CSMD1: variants seen among roughly 807,000 people sequenced by gnomAD.
The protein encoded by CSMD1 is CUB and Sushi multiple domains 1.
In CSMD1, 213 loss-of-function variants were observed where a neutral mutation model predicts 417.5. That is an observed-to-expected ratio of 0.51 (90% CI 0.46 to 0.57). The LOEUF (loss-of-function observed/expected upper bound fraction) is 0.57, where lower values mean the gene tolerates loss of function less well. CSMD1 is among the 20% of genes least tolerant of loss of function. CSMD1 has a pLI of 0.00. For missense variants in CSMD1, 6,923 were observed against 4,529.7 expected (o/e 1.53, Z -15.17); for synonymous variants, 2,862 against 1,736.8 (o/e 1.65, Z -16.11).
At chr8:4,594,649 A>C (rs1800162257) in intron 2 of CSMD1, among the ~76,000 whole-genome samples, 2 of 152,164 alleles carry the variant, frequency 1.3e-5, no homozygotes, top group Admixed American at 6.5e-5. Context: ...TCAACTTCAA[A>C]ACCTACATTT....
chr8:4,473,109 G>C (rs1387664310), intron 2 of CSMD1, among the ~76,000 whole-genome samples: 1 of 151,998 alleles, frequency 6.6e-6, no homozygotes, highest in African/African-American at 2.4e-5. Flanking sequence ...ACTTGTGTTT[G>C]AATTTAGATA....
At chr8:4,199,765 G>C (rs1245432877) in intron 3 of CSMD1, among the ~76,000 whole-genome samples, 2 of 152,116 alleles carry the variant, frequency 1.3e-5, no homozygotes, top group South Asian at 2.1e-4. Flanking sequence ...AAAAACTGAA[G>C]ACTCAAGGAT....
In CSMD1 at chr8:3,643,467, C is replaced by T. The variant is rs370750823; in HGVS notation, c.1010-26670G>A. Among the ~76,000 whole-genome samples the T allele has an allele frequency of 1.5e-4, 23 of 152,090 alleles. No homozygotes were observed. The East Asian group carries it at 3.3e-3, about 22-fold the overall frequency. On this transcript the variant is annotated intron_variant, in intron 7 of 69. Coordinates refer to ENST00000635120, the MANE Select transcript of CSMD1 (RefSeq NM_033225.6). ...CCTGTAATCCTAGCACTTTGGGAGG[C>T]CGAGGTAGGCGGATCACAAGGTCAG...
At chr8:4,950,682 T>G (rs1450497385) in intron 1 of CSMD1, among the ~76,000 whole-genome samples, 1 of 152,198 alleles carries the variant, frequency 6.6e-6, no homozygotes, top group Non-Finnish European at 1.5e-5. Context: ...AATTCAGAGT[T>G]TACTTTGATT....
chr8:3,912,193 G>A lies in CSMD1; in HGVS notation c.818+85710C>T, dbSNP rs184647848. ...CTCATGAATTTGTAATGATTTCAGAGAAATCGTTTTCTAACTCTGATTCGA... is the reference window on the plus strand; with the variant it reads ...CTCATGAATTTGTAATGATTTCAGAAAAATCGTTTTCTAACTCTGATTCGA... On this transcript the variant is annotated intron_variant, in intron 5 of 69. Coordinates refer to ENST00000635120, the MANE Select transcript of CSMD1 (RefSeq NM_033225.6). 6.6e-5 allele frequency among the ~76,000 whole-genome samples: 10 copies of A among 152,152 alleles called. No individual in the cohort carries two copies. The East Asian group carries it at 1.9e-3, about 29-fold the overall frequency.
At chr8:3,822,146 C>T (rs565114186) in intron 5 of CSMD1, among the ~76,000 whole-genome samples, 1 of 152,108 alleles carries the variant, frequency 6.6e-6, no homozygotes, top group Non-Finnish European at 1.5e-5. Flanking sequence ...AAAGACGGAA[C>T]TTCTCCTTTC....
At chr8:3,021,701 A>ACAGCGTCCGGAATGCACCTGCAATCCCG (rs1563246862) in intron 51 of CSMD1, among the ~76,000 whole-genome samples, 1 of 116,466 alleles carries the variant, frequency 8.6e-6, no homozygotes, top group Non-Finnish European at 1.9e-5. Flanking sequence ...CTGCAATCCC[A>ACAGCGTCCGGAATGCACCTGCAATCCCG]CAGCATCTGG....
chr8:4,025,705 T>A (rs189111316), intron 4 of CSMD1, among the ~76,000 whole-genome samples: 5 of 152,260 alleles, frequency 3.3e-5, no homozygotes, highest in African/African-American at 9.6e-5. Flanking sequence ...GTTGAAAGAT[T>A]ACCTCTCAAG....
At chr8:4,762,571 C>T (rs1812183245) in intron 1 of CSMD1, among the ~76,000 whole-genome samples, 1 of 152,092 alleles carries the variant, frequency 6.6e-6, no homozygotes, top group South Asian at 2.1e-4. Context: ...ATAGTCCCAT[C>T]AACACAGGAA....
intron 12 of CSMD1, among the ~76,000 whole-genome samples, chr8:3,437,890 G>T (rs1814677206): frequency 6.6e-6 from 1 of 152,052 alleles, no homozygotes; most frequent in Admixed American, 6.6e-5. Flanking sequence ...TGGGATTACA[G>T]GTGTGTGTCA....
chr8:4,987,828 C>G (rs1811261038), intron 1 of CSMD1, among the ~76,000 whole-genome samples: 1 of 152,168 alleles, frequency 6.6e-6, no homozygotes. Flanking sequence ...TCATCTTTCT[C>G]CTGTGCTGGA....
intron 54 of CSMD1, among the ~76,000 whole-genome samples, chr8:2,983,838 G>C (rs555585008): frequency 1.3e-5 from 2 of 152,200 alleles, no homozygotes; most frequent in African/African-American, 4.8e-5. Context: ...TGGAAATAAA[G>C]CTTAGTTTTT....
intron 12 of CSMD1, among the ~76,000 whole-genome samples, chr8:3,465,684 G>C: frequency 6.6e-6 from 1 of 152,334 alleles, no homozygotes; most frequent in African/African-American, 2.4e-5. Context: ...GGTTGGAGTA[G>C]GTAGGTCAGT....
chr8:4,406,704 C>A (rs1156302498), intron 3 of CSMD1, among the ~76,000 whole-genome samples: 1 of 152,176 alleles, frequency 6.6e-6, no homozygotes, highest in Non-Finnish European at 1.5e-5. Flanking sequence ...AAACTTTCAA[C>A]AAGCTTGTGA....
At chr8:4,139,329 A>C (rs1397248610) in intron 3 of CSMD1, among the ~76,000 whole-genome samples, 1 of 152,204 alleles carries the variant, frequency 6.6e-6, no homozygotes, top group Non-Finnish European at 1.5e-5. Context: ...AAAATTTATT[A>C]CAAACGTAAT....
intron 5 of CSMD1, among the ~76,000 whole-genome samples, chr8:3,816,596 G>A (rs1194456409): frequency 6.6e-6 from 1 of 152,104 alleles, no homozygotes; most frequent in Non-Finnish European, 1.5e-5. Flanking sequence ...TAGGGTGACT[G>A]CAGTTCACAA....
chr8:3,261,542 C>G (rs1801057830), intron 26 of CSMD1, among the ~76,000 whole-genome samples: 1 of 152,082 alleles, frequency 6.6e-6, no homozygotes, highest in Non-Finnish European at 1.5e-5. Context: ...AGAAAACCTG[C>G]GCGTGAATGT....
intron 1 of CSMD1, among the ~76,000 whole-genome samples, chr8:4,951,833 G>T (rs912638054): frequency 8.5e-6 from 1 of 117,576 alleles, no homozygotes; most frequent in Admixed American, 9.9e-5. Context: ...TGCTTATAAA[G>T]ATCAACAAAG....
At position 4,446,021 on chromosome 8, in the gene CSMD1, A is replaced by T. The variant is rs540232797; in HGVS notation, c.303-25956T>A. Among the ~76,000 whole-genome samples the T allele has an allele frequency of 1.1e-4, 16 of 152,188 alleles. No homozygotes were observed. In the South Asian group the frequency reaches 3.3e-3, roughly 32 times the overall value. ...CTGGCAGCACCCTGACTCTGTGCCA[A>T]CTCTTAGGAACTTGACACAGCCCAA... On this transcript the variant is annotated intron_variant, in intron 2 of 69. Coordinates refer to ENST00000635120, the MANE Select transcript of CSMD1 (RefSeq NM_033225.6).
Sources: gnomAD v4.1 joint callset for allele counts (sites outside exome capture counted in the v4.1 genomes callset) on GRCh38, gnomAD v4.1.1 for gene constraint, MANE v1.5 for transcripts, NCBI Gene and HGNC (gene_info 2026-07-23, HGNC 2026-07-21) for gene names.